Variants in BANP observed in about 807,000 individuals in gnomAD.
The protein encoded by BANP is protein BANP.
In BANP, 11 loss-of-function variants were observed where a neutral mutation model predicts 68.1. The observed-to-expected ratio is 0.16, with a 90% CI of 0.10 to 0.27. The LOEUF is 0.27. Among genes scored for constraint, BANP ranks in the 10% least tolerant of loss-of-function variants. The pLI, the probability that BANP is intolerant of heterozygous loss-of-function variation, is 1.00. For synonymous variants in BANP, 329 were observed against 303.2 expected (o/e 1.09, Z -0.88); for missense variants, 504 against 722.7 (o/e 0.70, Z 3.47).
At chr16:88,043,144 C>T (rs1233304073) in intron 11 of BANP, among the ~76,000 whole-genome samples, 2 of 152,148 alleles carry the variant, frequency 1.3e-5, no homozygotes, top group East Asian at 1.9e-4. Flanking sequence ...GCCTCTTGCC[C>T]TCCGCCGCAT....
At chr16:87,973,782 GA>G (rs934286129) in intron 1 of BANP, among the ~76,000 whole-genome samples, 3 of 137,034 alleles carry the variant, frequency 2.2e-5, no homozygotes, top group African/African-American at 5.2e-5. Flanking sequence ...AAAGAAAAAA[GA>G]AAAAAATTCT....
rs1181481663 is a variant in BANP at position 88,064,523 on chromosome 16, A to G, written c.1312-744A>G. Among the ~76,000 whole-genome samples the G allele has an allele frequency of 2.6e-5, 4 of 152,260 alleles. No individual in the cohort carries two copies. The highest frequency in any genetic ancestry group is 1.3e-4 in the Admixed American group (2 of 15,290). ...GGACAGATGCTCCCAGGATGCGGCTAGGCGTCCAGGCCAGCATCGGGTTGG... is the reference window on the plus strand; with the variant it reads ...GGACAGATGCTCCCAGGATGCGGCTGGGCGTCCAGGCCAGCATCGGGTTGG... On this transcript the variant is annotated intron_variant, in intron 11 of 13. Transcript: ENST00000682872. The surrounding 1 kb of genome is among the most constrained non-coding windows in gnomAD (Gnocchi z 4.5).
rs116158751 is a variant in BANP at position 88,018,871 on chromosome 16, G to A, written c.895+204G>A. ...TGTGCTTATTACGCACGGCATGCCC[G>A]CACCAAAATACCTCATATACCCCAT... is the stretch of plus-strand genomic sequence containing the variant. On this transcript the variant is annotated intron_variant, in intron 7 of 13. Coordinates refer to ENST00000682872, the MANE Select transcript of BANP (RefSeq NM_001386991.1). This position sits in a 1 kb window ranked among gnomAD's most constrained non-coding sequence, Gnocchi z 7.7. Among the ~76,000 whole-genome samples, 286 of 152,304 alleles carry A rather than the reference G, an allele frequency of 1.9e-3. 1 individual carries two copies. Among genetic ancestry groups the A allele is most frequent in the African/African-American group, 4.8e-3 (200 of 41,568 alleles).
At chr16:88,061,766 A>C (rs997739311) in intron 11 of BANP, among the ~76,000 whole-genome samples, 2 of 152,048 alleles carry the variant, frequency 1.3e-5, no homozygotes, top group East Asian at 3.9e-4. Context: ...CCTGGGTTCA[A>C]GCAATTCTCC....
At chr16:88,014,317 C>T (rs1287617797) in intron 6 of BANP, among the ~76,000 whole-genome samples, 2 of 151,994 alleles carry the variant, frequency 1.3e-5, no homozygotes, top group African/African-American at 4.8e-5. Context: ...CCTGAGCCTG[C>T]CAGAGGATGA....
rs1012547374 is a variant in BANP, at chr16:87,957,495, G to T, written c.-69+5980G>T. Among the ~76,000 whole-genome samples the T allele has an allele frequency of 7.9e-5, 12 of 152,238 alleles. No individual in the cohort carries two copies. Among genetic ancestry groups the T allele is most frequent in the Non-Finnish European group, 1.5e-4 (10 of 68,044 alleles). On this transcript the variant is annotated intron_variant, in intron 1 of 13. Transcript: ENST00000682872. This position sits in a 1 kb window ranked among gnomAD's most constrained non-coding sequence, Gnocchi z 4.3. ...TGTGGAGTCCTGTCAGGAGACCTGG[G>T]GCGGTTTTGAGGCAAGCTCACGGAG...
At chr16:87,995,844 G>T (rs1040180724) in intron 4 of BANP, among the ~76,000 whole-genome samples, 2 of 152,236 alleles carry the variant, frequency 1.3e-5, no homozygotes, top group Non-Finnish European at 2.9e-5. Context: ...GGGAAGCAGC[G>T]CGCCCGGCCT....
chr16:88,004,477 A>C lies in BANP; in HGVS notation c.479+66A>C. ...TGCGGAGTCCCATGAGAATAAGTCA[A>C]CGTCCCTAAGCCAGGGCACAGTCCA... On this transcript the variant is annotated intron_variant, in intron 5 of 13. Coordinates refer to ENST00000682872, the MANE Select transcript of BANP (RefSeq NM_001386991.1). The surrounding 1 kb of genome is among the most constrained non-coding windows in gnomAD (Gnocchi z 7.0). 1 of 932,842 alleles carries C rather than the reference A, an allele frequency of 1.1e-6. No homozygotes were observed. The highest frequency in any genetic ancestry group is 1.6e-6 in the Non-Finnish European group (1 of 615,656). 57.8% of individuals were successfully genotyped at this position (932,842 alleles called of 1,614,324 possible). A position where few individuals can be genotyped will look rare whatever the true frequency, so the allele number is the denominator to read the frequency against.
intron 1 of BANP, among the ~76,000 whole-genome samples, chr16:87,961,339 C>T (rs1482296688): frequency 2.7e-5 from 4 of 150,446 alleles, no homozygotes; most frequent in Non-Finnish European, 4.4e-5. Flanking sequence ...TTTTTTCGTA[C>T]TTTTTGTAGA....
In BANP at chr16:88,004,030, T is replaced by A; in HGVS notation, c.363-265T>A. On this transcript the variant is annotated intron_variant, in intron 4 of 13. Coordinates refer to ENST00000682872, the MANE Select transcript of BANP (RefSeq NM_001386991.1). This position sits in a 1 kb window ranked among gnomAD's most constrained non-coding sequence, Gnocchi z 7.0. ...TCCTCAGCCCAGCTGTCCTGTGCTATCCAGTTGTGCAGACAGATCACCAAC... is the reference window on the plus strand; with the variant it reads ...TCCTCAGCCCAGCTGTCCTGTGCTAACCAGTTGTGCAGACAGATCACCAAC... The A allele has an allele frequency of 2.4e-6, 1 of 421,094 alleles. No individual in the cohort carries two copies. 26.1% of individuals were successfully genotyped at this position (421,094 alleles called of 1,614,324 possible). A position where few individuals can be genotyped will look rare whatever the true frequency, so the allele number is the denominator to read the frequency against.
chr16:88,009,763 A>C (rs2072478265), intron 6 of BANP, among the ~76,000 whole-genome samples: 1 of 152,202 alleles, frequency 6.6e-6, no homozygotes, highest in Admixed American at 6.5e-5. Context: ...TCTCATTAGA[A>C]TAAGAAGGAC....
intron 13 of BANP, among the ~76,000 whole-genome samples, chr16:88,073,988 G>C (rs1035307650): frequency 6.6e-6 from 1 of 152,236 alleles, no homozygotes; most frequent in African/African-American, 2.4e-5. Context: ...CCCCAGCGTG[G>C]TTGGACTTGG....
chr16:88,030,607 A>G (rs941289786), intron 8 of BANP, among the ~76,000 whole-genome samples: 2 of 152,262 alleles, frequency 1.3e-5, no homozygotes, highest in African/African-American at 2.4e-5. Flanking sequence ...AGAATCTTGA[A>G]AGAGTACATT....
chr16:88,028,449 A>T (rs2077436259), intron 8 of BANP, among the ~76,000 whole-genome samples: 2 of 152,168 alleles, frequency 1.3e-5, no homozygotes, highest in South Asian at 4.1e-4. Flanking sequence ...GACTTCAGGA[A>T]GTGGTTTTCT....
chr16:88,033,140 C>G lies in BANP; in HGVS notation c.1095C>G (p.Ser365Arg). Residue 365 changes from serine (S) to arginine (R), a missense_variant, in exon 9 of 14, where the codon AGC (serine) becomes AGG (arginine). Transcript: ENST00000682872. The part of the protein sequence containing the change: ...EPMMSTPPPA[S>R]ELPQPQPQPQ... Reference sequence around the variant, plus strand: ...TGATGAGCACCCCACCTCCTGCCAGCGAGCTCCCGCAGCCACAGCCGCAGC... The same window carrying G: ...TGATGAGCACCCCACCTCCTGCCAGGGAGCTCCCGCAGCCACAGCCGCAGC... The G allele has an allele frequency of 6.2e-7, 1 of 1,608,514 alleles. No individual in the cohort carries two copies. The highest frequency in any genetic ancestry group is 8.5e-7 in the Non-Finnish European group (1 of 1,175,930).
intron 9 of BANP, among the ~76,000 whole-genome samples, chr16:88,033,528 C>G (rs1598670268): frequency 6.6e-6 from 1 of 152,226 alleles, no homozygotes; most frequent in Non-Finnish European, 1.5e-5. Context: ...GGGCAGTCAG[C>G]TCCAAGGGTC....
At chr16:88,030,285 G>C (rs2077879527) in intron 8 of BANP, among the ~76,000 whole-genome samples, 1 of 152,118 alleles carries the variant, frequency 6.6e-6, no homozygotes, top group South Asian at 2.1e-4. Flanking sequence ...GGAATTAACT[G>C]ACCAGGACAT....
At chr16:88,038,783 C>A (rs926971294) in intron 11 of BANP, among the ~76,000 whole-genome samples, 7 of 152,134 alleles carry the variant, frequency 4.6e-5, no homozygotes, top group African/African-American at 1.7e-4. Flanking sequence ...CTGGTGAAGA[C>A]CCTTTCTGTT....
At chr16:87,968,800 G>T (rs1334084845) in intron 1 of BANP, among the ~76,000 whole-genome samples, 1 of 152,148 alleles carries the variant, frequency 6.6e-6, no homozygotes, top group African/African-American at 2.4e-5. Flanking sequence ...TGCGTAGGTG[G>T]AGTTGGAATG....
Sources: allele counts gnomAD v4.1 joint callset (sites outside exome capture counted in the v4.1 genomes callset), GRCh38; gene constraint gnomAD v4.1.1; non-coding constraint Gnocchi (gnomAD v3.1); transcripts MANE v1.5; gene names NCBI Gene and HGNC (gene_info 2026-07-23, HGNC 2026-07-21).